SFMBT2: variants seen among roughly 807,000 people sequenced by gnomAD.
SFMBT2 encodes the protein Scm like with four mbt domains 2, also known as scm-like with four MBT domains protein 2.
Under a neutral mutation model 110.1 loss-of-function variants are expected in SFMBT2, and 38 were observed. That is an observed-to-expected ratio of 0.35 (90% CI 0.27 to 0.45). The LOEUF is 0.45. SFMBT2 is among the 20% of genes least tolerant of loss of function. The pLI is 1.00. For synonymous variants in SFMBT2, 425 were observed against 425.4 expected (o/e 1.00, Z 0.01); for missense variants, 1,011 against 1,094.9 (o/e 0.92, Z 1.08).
intron 7 of SFMBT2, among the ~76,000 whole-genome samples, chr10:7,272,153 C>G (rs554099628): frequency 6.6e-6 from 1 of 152,300 alleles, no homozygotes; most frequent in East Asian, 1.9e-4. Context: ...TGATCGTACC[C>G]TAGAGTCCAA....
chr10:7,171,979 C>T lies in SFMBT2; in HGVS notation c.2331G>A (p.Arg777=). 1 of 1,535,426 alleles carries T rather than the reference C, an allele frequency of 6.5e-7. No individual in the cohort carries two copies. The change falls in exon 19 of 21, where the codon AGG becomes AGA. Residue 777 remains arginine (R), a synonymous_variant. Coordinates refer to ENST00000397167, the MANE Select transcript of SFMBT2 (RefSeq NM_001387889.1). The surrounding 1 kb of genome is among the most constrained non-coding windows in gnomAD (Gnocchi z 4.9). ...CCGGCGCCCCGCGGCCCCTTCGTGTCCTCTCTGGGGGTGGCCGGCGCACGG... is the reference window on the plus strand; with the variant it reads ...CCGGCGCCCCGCGGCCCCTTCGTGTTCTCTCTGGGGGTGGCCGGCGCACGG... The part of the protein sequence containing the change: ...SEPVRRPPPE[R]TRRGRGAPAA...
In SFMBT2 at chr10:7,197,639, C is replaced by T. The variant is rs1308849129; in HGVS notation, c.1607G>A (p.Arg536Lys). Residue 536 changes from arginine (R) to lysine (K), a missense_variant, in exon 15 of 21, where the codon AGG (arginine) becomes AAG (lysine). Around this residue, in one of 2 missense-constraint regions of SFMBT2, gnomAD observed 979 missense variants for 1,016.1 expected, o/e 0.96. Coordinates refer to ENST00000397167, the MANE Select transcript of SFMBT2 (RefSeq NM_001387889.1). The stretch of plus-strand genomic sequence containing the variant: ...GTTCAGGTAAGGGCCTGAGAAACAC[C>T]TGTGGTTGATGAAGAGCTGAGGACA... Reference protein sequence around the residue: ...YCCPQLFINHRCFSGPYLNKG... With the variant: ...YCCPQLFINHKCFSGPYLNKG... 3 of 1,614,050 alleles carry T rather than the reference C, an allele frequency of 1.9e-6. No homozygotes were observed. In the African/African-American group the frequency reaches 4.0e-5, roughly 22 times the overall value.
At chr10:7,407,032 T>G in intron 1 of SFMBT2, among the ~76,000 whole-genome samples, 1 of 152,138 alleles carries the variant, frequency 6.6e-6, no homozygotes, top group East Asian at 1.9e-4. Flanking sequence ...CCCACTCTCT[T>G]GCAGGCAGGC....
At chr10:7,271,726 G>A (rs1473646981) in intron 7 of SFMBT2, among the ~76,000 whole-genome samples, 1 of 152,204 alleles carries the variant, frequency 6.6e-6, no homozygotes, top group East Asian at 1.9e-4. Context: ...AGGCTTATTA[G>A]ACTTATAGCT....
chr10:7,265,025 A>G (rs1841334284), intron 7 of SFMBT2, among the ~76,000 whole-genome samples: 1 of 151,618 alleles, frequency 6.6e-6, no homozygotes, highest in Non-Finnish European at 1.5e-5. Context: ...AAACCTTGAC[A>G]TTTCAGGTTT....
chr10:7,366,837 A>G (rs1844921546), intron 4 of SFMBT2, among the ~76,000 whole-genome samples: 1 of 152,164 alleles, frequency 6.6e-6, no homozygotes. Flanking sequence ...TGTCCTGTGC[A>G]TTGCGGGGGT....
At chr10:7,356,789 T>C (rs967129923) in intron 4 of SFMBT2, among the ~76,000 whole-genome samples, 1 of 152,180 alleles carries the variant, frequency 6.6e-6, no homozygotes, top group African/African-American at 2.4e-5. Context: ...CAAAATCTCT[T>C]GTAAGTAATC....
chr10:7,194,302 C>G (rs978548364), intron 15 of SFMBT2, among the ~76,000 whole-genome samples: 2 of 152,294 alleles, frequency 1.3e-5, no homozygotes, highest in South Asian at 4.1e-4. Flanking sequence ...AACTCTAACA[C>G]CCATCAAGTG....
chr10:7,290,820 G>C (rs981560344), intron 4 of SFMBT2, among the ~76,000 whole-genome samples: 2 of 152,144 alleles, frequency 1.3e-5, no homozygotes, highest in African/African-American at 2.4e-5. Flanking sequence ...CTGGGTAACA[G>C]AGTAAGACCA....
intron 4 of SFMBT2, among the ~76,000 whole-genome samples, chr10:7,352,854 A>G (rs551201149): frequency 4.9e-4 from 74 of 152,230 alleles, no homozygotes; most frequent in African/African-American, 1.7e-3. Context: ...TACTAAAAAT[A>G]CTAAAAATTA....
intron 7 of SFMBT2, among the ~76,000 whole-genome samples, chr10:7,261,718 C>T (rs1841210541): frequency 6.6e-6 from 1 of 152,194 alleles, no homozygotes; most frequent in African/African-American, 2.4e-5. Flanking sequence ...TGAGCCTTTC[C>T]TTTCATCAAG....
intron 4 of SFMBT2, among the ~76,000 whole-genome samples, chr10:7,323,470 C>CA (rs34153060): frequency 0.37 from 44,839 of 120,382 alleles, 8,424 homozygotes; most frequent in South Asian, 0.59. Context: ...AAAAAAAAAC[C>CA]AAAAAAAAAA....
In SFMBT2 at chr10:7,367,915, C is replaced by T. The variant is rs199579346; in HGVS notation, c.196-26G>A. 1 of 1,611,644 alleles carries T rather than the reference C, an allele frequency of 6.2e-7. No individual in the cohort carries two copies. The highest frequency in any genetic ancestry group is 8.5e-7 in the Non-Finnish European group (1 of 1,178,494). ...CTTAAGGAATCAGAAATAGAGAAAACCCATTACTACACTAGACACAATACA... is the reference window on the plus strand; with the variant it reads ...CTTAAGGAATCAGAAATAGAGAAAATCCATTACTACACTAGACACAATACA... On this transcript the variant is annotated intron_variant, in intron 3 of 20. Transcript: ENST00000397167. The surrounding 1 kb of genome is among the most constrained non-coding windows in gnomAD (Gnocchi z 6.2).
At chr10:7,410,534 C>T (rs1273080150) in intron 1 of SFMBT2, among the ~76,000 whole-genome samples, 1 of 152,172 alleles carries the variant, frequency 6.6e-6, no homozygotes, top group African/African-American at 2.4e-5. Context: ...TCCCGCACGG[C>T]TCGGCTTTTC....
intron 4 of SFMBT2, among the ~76,000 whole-genome samples, chr10:7,352,505 A>T (rs1844355881): frequency 6.6e-6 from 1 of 152,120 alleles, no homozygotes; most frequent in African/African-American, 2.4e-5. Flanking sequence ...TTTTTCTTAG[A>T]AATGGTGTCT....
At chr10:7,370,725 G>A in intron 2 of SFMBT2, 3 of 520,436 alleles carry the variant, frequency 5.8e-6, no homozygotes, top group Non-Finnish European at 7.4e-6. Flanking sequence ...GAGGCTGGAG[G>A]ACAAGGCGAA....
intron 10 of SFMBT2, among the ~76,000 whole-genome samples, 159 bp from the exon 11 acceptor site, chr10:7,220,696 C>A (rs940127352): frequency 2.0e-5 from 3 of 152,220 alleles, no homozygotes; most frequent in African/African-American, 7.2e-5. Flanking sequence ...AAGAAAGAAC[C>A]AGGTGGTCTT....
chr10:7,254,469 A>G (rs1228789054), intron 7 of SFMBT2, among the ~76,000 whole-genome samples: 1 of 152,190 alleles, frequency 6.6e-6, no homozygotes, highest in African/African-American at 2.4e-5. Flanking sequence ...CAGTAGTCAA[A>G]GGATTTATAG....
Position 7,295,943 on chromosome 10 carries a change from CAAG to C in SFMBT2, c.437-9992_437-9990del, listed in dbSNP as rs554814861. On this transcript the variant is annotated intron_variant, in intron 4 of 20. Coordinates refer to ENST00000397167, the MANE Select transcript of SFMBT2 (RefSeq NM_001387889.1). ...GACCTAACGCTTTCTCTGAAGTTCC[CAAG>C]AAGATCTTAGCACTAGAAACAACCA... is the stretch of plus-strand genomic sequence containing the variant. 1.2e-3 allele frequency among the ~76,000 whole-genome samples: 186 copies of C among 152,264 alleles called. 1 individual carries two copies. Among genetic ancestry groups the C allele is most frequent in the Middle Eastern group, 6.8e-3 (2 of 292 alleles).
Sources: allele counts gnomAD v4.1 joint callset (sites outside exome capture counted in the v4.1 genomes callset), GRCh38; gene constraint gnomAD v4.1.1; regional missense constraint gnomAD v4.1.1; non-coding constraint Gnocchi (gnomAD v3.1); transcripts MANE v1.5; gene names NCBI Gene and HGNC (gene_info 2026-07-23, HGNC 2026-07-21).